The following SOHLH2 variants were observed in gnomAD, a reference collection of about 807,000 sequenced individuals.
The protein encoded by SOHLH2 is spermatogenesis- and oogenesis-specific basic helix-loop-helix-containing protein 2.
A neutral mutation model predicts 50.4 loss-of-function variants in SOHLH2; 22 were observed. That is an observed-to-expected ratio of 0.44 (90% CI 0.31 to 0.62). SOHLH2 has a LOEUF of 0.62. Ranked by LOEUF, SOHLH2 falls within the 20% of genes least tolerant of loss-of-function variation. SOHLH2 has a pLI of 0.08. For missense variants in SOHLH2, 412 were observed against 504.4 expected (o/e 0.82, Z 1.76); for synonymous variants, 185 against 187.3 (o/e 0.99, Z 0.10).
In SOHLH2 at chr13:36,171,538, T is replaced by G. The variant is rs188080547; in HGVS notation, c.1001-751A>C. 5.3e-5 allele frequency among the ~76,000 whole-genome samples: 8 copies of G among 152,288 alleles called. 1 individual carries two copies. The highest frequency in any genetic ancestry group is 3.9e-4 in the Admixed American group (6 of 15,290). On this transcript the variant is annotated intron_variant, in intron 9 of 10. Coordinates refer to ENST00000379881, the MANE Select transcript of SOHLH2 (RefSeq NM_017826.3). ...CTGATTGCAACTTCTCTGATCCTCT[T>G]TCCAAAACAATTTGGCAACATGCAT...
At chr13:36,211,548 T>A (rs1869122607) in intron 1 of SOHLH2, among the ~76,000 whole-genome samples, 1 of 152,110 alleles carries the variant, frequency 6.6e-6, no homozygotes, top group African/African-American at 2.4e-5. Context: ...AAGAATAGAG[T>A]ATGACCAGTT....
chr13:36,214,006 C>G (rs1023725792), intron 1 of SOHLH2, among the ~76,000 whole-genome samples: 2 of 144,800 alleles, frequency 1.4e-5, no homozygotes, highest in African/African-American at 5.0e-5. Flanking sequence ...GCCTTCTGCT[C>G]GAAAAATAAG....
chr13:36,195,142 T>C (rs555195393), intron 2 of SOHLH2, among the ~76,000 whole-genome samples: 1 of 152,024 alleles, frequency 6.6e-6, no homozygotes, highest in African/African-American at 2.4e-5. Context: ...TGGCTGAAAA[T>C]GTGTCCAATG....
Position 36,170,687 on chromosome 13 carries a change from A to G in SOHLH2, c.1101T>C (p.Tyr367=). ...CGTAGGAAGGGGTGACTTTAGAATAATATCTGACAGTATGCAAGGAATTCA... is the reference window on the plus strand; with the variant it reads ...CGTAGGAAGGGGTGACTTTAGAATAGTATCTGACAGTATGCAAGGAATTCA... ...LSLNSLHTVR[Y]YSKVTPSYDA... The change falls in exon 10 of 11, where the codon TAT becomes TAC. Residue 367 remains tyrosine (Y), a synonymous_variant. Coordinates refer to ENST00000379881, the MANE Select transcript of SOHLH2 (RefSeq NM_017826.3). The G allele has an allele frequency of 6.2e-7, 1 of 1,614,174 alleles. No individual in the cohort carries two copies. Among genetic ancestry groups the G allele is most frequent in the Non-Finnish European group, 8.5e-7 (1 of 1,180,026 alleles).
At chr13:36,181,417 T>C (rs1359505224) in intron 6 of SOHLH2, among the ~76,000 whole-genome samples, 3 of 152,118 alleles carry the variant, frequency 2.0e-5, no homozygotes, top group African/African-American at 7.2e-5. Flanking sequence ...CCTCCTTTCC[T>C]TCCTTCATTT....
chr13:36,204,193 C>G (rs748375058), intron 1 of SOHLH2, among the ~76,000 whole-genome samples: 1 of 151,966 alleles, frequency 6.6e-6, no homozygotes. Flanking sequence ...TCGGGTGATC[C>G]GCCCACCTTG....
intron 4 of SOHLH2, 139 bp downstream of exon 4, chr13:36,193,482 A>G: frequency 9.8e-7 from 1 of 1,022,372 alleles, no homozygotes; most frequent in South Asian, 1.8e-5. Flanking sequence ...ACCTCTGAAG[A>G]TGTAGTTTTT....
chr13:36,211,022 TTC>T (rs1428192904), intron 1 of SOHLH2, among the ~76,000 whole-genome samples: 5 of 152,216 alleles, frequency 3.3e-5, no homozygotes, highest in Admixed American at 2.0e-4. Context: ...TGCAAATATA[TTC>T]TTTGTGAACC....
At chr13:36,196,256 C>G (rs1002014460) in intron 2 of SOHLH2, among the ~76,000 whole-genome samples, 1 of 151,852 alleles carries the variant, frequency 6.6e-6, no homozygotes, top group African/African-American at 2.4e-5. Flanking sequence ...TCCCAGGTAG[C>G]TGGGACTACA....
At chr13:36,201,749 C>T (rs996820396) in intron 2 of SOHLH2, 130 bp downstream of exon 2, 38 of 1,364,188 alleles carry the variant, frequency 2.8e-5, no homozygotes, top group Non-Finnish European at 3.5e-5. Flanking sequence ...GGATTACACG[C>T]ATGAGCCAAT....
At chr13:36,174,051 T>C (rs1199449534) in intron 8 of SOHLH2, among the ~76,000 whole-genome samples, 1 of 152,172 alleles carries the variant, frequency 6.6e-6, no homozygotes, top group African/African-American at 2.4e-5. Context: ...GAGAAGAAAG[T>C]AATCATTTGG....
chr13:36,186,912 A>G (rs1228085359), intron 6 of SOHLH2, among the ~76,000 whole-genome samples: 1 of 152,158 alleles, frequency 6.6e-6, no homozygotes, highest in Non-Finnish European at 1.5e-5. Flanking sequence ...CCATATGTAA[A>G]GCAGGTGAGT....
chr13:36,214,348 C>G (rs1566049941), intron 1 of SOHLH2, 131 bp downstream of exon 1: 4 of 1,134,448 alleles, frequency 3.5e-6, no homozygotes, highest in Non-Finnish European at 5.0e-6. Flanking sequence ...GCCCTTCCTG[C>G]TATTCGCTCC....
intron 2 of SOHLH2, among the ~76,000 whole-genome samples, chr13:36,201,067 A>AAG (rs1555245672): frequency 1.1e-4 from 17 of 150,682 alleles, no homozygotes; most frequent in East Asian, 1.9e-4. Context: ...AAAAAAAAAA[A>AAG]AAAAGAAAAG....
At chr13:36,196,097 A>AGAT in intron 2 of SOHLH2, among the ~76,000 whole-genome samples, 1 of 145,706 alleles carries the variant, frequency 6.9e-6, no homozygotes, top group East Asian at 2.0e-4. Flanking sequence ...GACAGACAGA[A>AGAT]AGATAGATAG....
At chr13:36,180,986 GT>G (rs1460890186) in intron 6 of SOHLH2, among the ~76,000 whole-genome samples, 1 of 152,086 alleles carries the variant, frequency 6.6e-6, no homozygotes, top group Non-Finnish European at 1.5e-5. Flanking sequence ...TCCAGCAATT[GT>G]TTTAAAATTA....
intron 2 of SOHLH2, among the ~76,000 whole-genome samples, chr13:36,198,441 A>G (rs1277860473): frequency 6.6e-6 from 1 of 152,216 alleles, no homozygotes; most frequent in African/African-American, 2.4e-5. Context: ...TCTGGAGCTA[A>G]GCATACGAAT....
At position 36,193,141 on chromosome 13, in the gene SOHLH2, G is replaced by A. The variant is rs137875620; in HGVS notation, c.430+480C>T. Reference sequence around the variant, plus strand: ...TAATAGGCAAAGAGTTTAGAAATGTGAGGTCTAATTGAAGCATTGACATTA... The same window carrying A: ...TAATAGGCAAAGAGTTTAGAAATGTAAGGTCTAATTGAAGCATTGACATTA... On this transcript the variant is annotated intron_variant, in intron 4 of 10. Transcript: ENST00000379881. Among the ~76,000 whole-genome samples the A allele has an allele frequency of 3.4e-3, 511 of 152,286 alleles. 5 individuals are homozygous for A. Among genetic ancestry groups the A allele is most frequent in the Non-Finnish European group, 5.4e-3 (366 of 68,018 alleles).
intron 10 of SOHLH2, among the ~76,000 whole-genome samples, chr13:36,169,805 T>C (rs142666309): frequency 6.6e-6 from 1 of 152,304 alleles, no homozygotes; most frequent in East Asian, 1.9e-4. Flanking sequence ...AGCTATTCCT[T>C]AGTGGCTAGA....
Sources: gnomAD v4.1 joint callset for allele counts (sites outside exome capture counted in the v4.1 genomes callset) on GRCh38, gnomAD v4.1.1 for gene constraint, MANE v1.5 for transcripts, NCBI Gene and HGNC (gene_info 2026-07-23, HGNC 2026-07-21) for gene names.